The following CATSPERE variants were observed in gnomAD, a reference collection of about 807,000 sequenced individuals.
CATSPERE encodes the protein cation channel sperm-associated auxiliary subunit epsilon.
In CATSPERE, 93 loss-of-function variants were observed where a neutral mutation model predicts 114.1. That is an observed-to-expected ratio of 0.81 (90% confidence interval 0.69 to 0.97). The LOEUF is 0.97. Ranked by LOEUF, CATSPERE falls within the 50% of genes least tolerant of loss-of-function variation. The pLI, the probability that CATSPERE is intolerant of heterozygous loss-of-function variation, is 0.00. For synonymous variants in CATSPERE, 341 were observed against 384.1 expected (o/e 0.89, Z 1.31); for missense variants, 1,058 against 1,131.6 (o/e 0.93, Z 0.93).
At chr1:244,597,552 A>G (rs1334011433) in intron 17 of CATSPERE, among the ~76,000 whole-genome samples, 1 of 33,426 alleles carries the variant, frequency 3.0e-5, no homozygotes. Flanking sequence ...TTTTTTTTTC[A>G]TGATCTGGGA....
At chr1:244,464,048 G>C (rs1024744790) in intron 2 of CATSPERE, 92 bp downstream of exon 2, 4 of 911,194 alleles carry the variant, frequency 4.4e-6, no homozygotes, top group African/African-American at 3.3e-5. Flanking sequence ...GAGTTTTACA[G>C]TCATTGTCAC....
At chr1:244,516,107 C>T (rs1676567546) in intron 7 of CATSPERE, among the ~76,000 whole-genome samples, 2 of 151,662 alleles carry the variant, frequency 1.3e-5, no homozygotes, top group Non-Finnish European at 2.9e-5. Flanking sequence ...TGGGCGATCG[C>T]TTGAGCCTGA....
rs201681186 is a variant in CATSPERE at position 244,608,304 on chromosome 1, G to C, written c.2404-1936G>C. 5.3e-5 allele frequency among the ~76,000 whole-genome samples: 8 copies of C among 151,986 alleles called. No individual in the cohort carries two copies. In the East Asian group the frequency reaches 1.5e-3, roughly 29 times the overall value. On this transcript the variant is annotated intron_variant, in intron 18 of 21. Transcript: ENST00000366534. ...TCCCAGCACTTTGGGAGGTTGAAGC[G>C]GGATGATCGCTTGAGCCTAGGAGTC... is the stretch of plus-strand genomic sequence containing the variant.
At position 244,490,189 on chromosome 1, in the gene CATSPERE, G is replaced by A. The variant is rs556631158; in HGVS notation, c.327-258G>A. On this transcript the variant is annotated intron_variant, in intron 5 of 21. Transcript: ENST00000366534. Reference sequence around the variant, plus strand: ...ATTAATCTTAGCGTGAGCGGTTTTGGTGATGTTATTGAGGCAGGAAGCATG... The same window carrying A: ...ATTAATCTTAGCGTGAGCGGTTTTGATGATGTTATTGAGGCAGGAAGCATG... 4.4e-3 allele frequency among the ~76,000 whole-genome samples: 671 copies of A among 152,186 alleles called. 2 individuals are homozygous for A. The highest frequency in any genetic ancestry group is 0.01 in the Middle Eastern group (3 of 294).
rs192499186 is a variant in CATSPERE at position 244,567,009 on chromosome 1, C to T, written c.1508-5321C>T. On this transcript the variant is annotated intron_variant, in intron 10 of 21. Transcript: ENST00000366534. ...TGGTTTTTCCTTTGCATATTTAGTGCTTCCTTCAGGAGCTCTTGTAAGGCA... is the reference window on the plus strand; with the variant it reads ...TGGTTTTTCCTTTGCATATTTAGTGTTTCCTTCAGGAGCTCTTGTAAGGCA... 5.3e-5 allele frequency among the ~76,000 whole-genome samples: 8 copies of T among 152,220 alleles called. No individual in the cohort carries two copies. The East Asian group carries it at 1.2e-3, about 22-fold the overall frequency.
chr1:244,601,628 C>T (rs1044100870), intron 17 of CATSPERE, among the ~76,000 whole-genome samples: 25 of 152,132 alleles, frequency 1.6e-4, no homozygotes, highest in African/African-American at 5.3e-4. Context: ...GAGTAGGGAA[C>T]GAAGAGAAGG....
intron 8 of CATSPERE, among the ~76,000 whole-genome samples, chr1:244,534,687 ATC>A (rs1680112330): frequency 1.3e-5 from 2 of 152,040 alleles, no homozygotes; most frequent in Non-Finnish European, 2.9e-5. Context: ...TCTTGAATTT[ATC>A]TGAGTTTCCT....
Position 244,528,797 on chromosome 1 carries a change from A to G in CATSPERE, c.536+10099A>G, listed in dbSNP as rs577220946. Among the ~76,000 whole-genome samples the G allele has an allele frequency of 6.8e-4, 101 of 147,798 alleles. 2 individuals carry two copies. The highest frequency in any genetic ancestry group is 2.5e-3 in the African/African-American group (96 of 38,830). ...CAACAATCCCCCACCACACACACAC[A>G]CACACACACACACACACACACACAC... is the stretch of plus-strand genomic sequence containing the variant. On this transcript the variant is annotated intron_variant, in intron 8 of 21. Coordinates refer to ENST00000366534, the MANE Select transcript of CATSPERE (RefSeq NM_001130957.2).
rs182400043 is a variant in CATSPERE at position 244,489,800 on chromosome 1, A to G, written c.327-647A>G. Among the ~76,000 whole-genome samples the G allele has an allele frequency of 2.0e-5, 3 of 152,212 alleles. No individual in the cohort carries two copies. In the East Asian group the frequency reaches 5.8e-4, roughly 29 times the overall value. On this transcript the variant is annotated intron_variant, in intron 5 of 21. Coordinates refer to ENST00000366534, the MANE Select transcript of CATSPERE (RefSeq NM_001130957.2). ...TTTACGCCTGAGTTGCTTTAAGATT[A>G]GCCTTTGGAATTCTCAAGCAAACAC...
At chr1:244,553,600 A>AAAC (rs1553356088) in intron 9 of CATSPERE, among the ~76,000 whole-genome samples, 2 of 32,578 alleles carry the variant, frequency 6.1e-5, no homozygotes, top group African/African-American at 2.2e-4. Flanking sequence ...AAAAAAAAAA[A>AAAC]ATACACACAC....
At chr1:244,627,606 C>T (rs142407967) in intron 20 of CATSPERE, among the ~76,000 whole-genome samples, 1 of 151,888 alleles carries the variant, frequency 6.6e-6, no homozygotes, top group African/African-American at 2.4e-5. Flanking sequence ...GTGAGAATTA[C>T]CAAAATGTGA....
intron 9 of CATSPERE, among the ~76,000 whole-genome samples, chr1:244,559,706 A>G (rs1426070317): frequency 6.6e-6 from 1 of 152,178 alleles, no homozygotes; most frequent in African/African-American, 2.4e-5. Flanking sequence ...TTAATATTTG[A>G]AGAGACTTTA....
intron 5 of CATSPERE, among the ~76,000 whole-genome samples, chr1:244,483,497 G>A (rs1670569393): frequency 1.3e-5 from 2 of 152,042 alleles, no homozygotes; most frequent in Non-Finnish European, 2.9e-5. Context: ...ACTTAAAATT[G>A]TCTGACTTTT....
At chr1:244,464,335 T>A (rs1361403240) in intron 2 of CATSPERE, among the ~76,000 whole-genome samples, 2 of 152,146 alleles carry the variant, frequency 1.3e-5, no homozygotes, top group Admixed American at 1.3e-4. Flanking sequence ...TAGACCTCAT[T>A]CTCTATATTA....
intron 17 of CATSPERE, among the ~76,000 whole-genome samples, chr1:244,595,713 C>T (rs891519603): frequency 2.2e-4 from 33 of 152,158 alleles, no homozygotes; most frequent in Non-Finnish European, 3.4e-4. Context: ...GGGCGGATCA[C>T]GAGGTCAGGA....
intron 9 of CATSPERE, 130 bp from the exon 10 acceptor site, chr1:244,560,538 T>G: frequency 2.1e-6 from 1 of 486,606 alleles, no homozygotes; most frequent in Admixed American, 4.0e-5. Flanking sequence ...TAACACCACC[T>G]GTTCCCCAAA....
chr1:244,493,669 C>G (rs1009018083), intron 6 of CATSPERE, among the ~76,000 whole-genome samples: 1 of 152,106 alleles, frequency 6.6e-6, no homozygotes. Flanking sequence ...AGGCAACCTA[C>G]AAAATGGGAG....
At chr1:244,483,338 A>G (rs1454124709) in intron 5 of CATSPERE, among the ~76,000 whole-genome samples, 1 of 152,252 alleles carries the variant, frequency 6.6e-6, no homozygotes, top group East Asian at 1.9e-4. Context: ...TCTCTAAGGT[A>G]GAGACCTAAA....
intron 2 of CATSPERE, among the ~76,000 whole-genome samples, chr1:244,465,038 C>CA (rs1283493266): frequency 2.1e-3 from 300 of 141,110 alleles, no homozygotes; most frequent in Admixed American, 3.5e-3. Context: ...TTGGAGGCTC[C>CA]TTTTTTTTTT....
Sources: allele counts gnomAD v4.1 joint callset (sites outside exome capture counted in the v4.1 genomes callset), GRCh38; gene constraint gnomAD v4.1.1; transcripts MANE v1.5; gene names NCBI Gene and HGNC (gene_info 2026-07-23, HGNC 2026-07-21).